The following PDCD6IP variants were observed in gnomAD, a reference collection of about 807,000 sequenced individuals.
PDCD6IP encodes the protein programmed cell death 6-interacting protein.
A neutral mutation model predicts 103.7 loss-of-function variants in PDCD6IP; 43 were observed. That is an observed-to-expected ratio of 0.41 (90% CI 0.32 to 0.53). PDCD6IP has a LOEUF of 0.53. Ranked by LOEUF, PDCD6IP falls within the 20% of genes least tolerant of loss-of-function variation. The pLI, the probability that PDCD6IP is intolerant of heterozygous loss-of-function variation, is 0.16. For missense variants in PDCD6IP, 871 were observed against 1,036.7 expected, an observed-to-expected ratio of 0.84 and a Z score of 2.20; for synonymous variants, 354 against 378.7, an observed-to-expected ratio of 0.93 and a Z score of 0.76.
chr3:33,853,951 A>G lies in PDCD6IP; in HGVS notation c.1963A>G (p.Asn655Asp), dbSNP rs143703400. ...EANLREEVLK[N>D]LATAYDNFVE... ...TAACTTAAGAGAAGAAGTTTTGAAG[A>G]ATTTAGCTACTGCATATGACAACTT... is the stretch of plus-strand genomic sequence containing the variant. Residue 655 changes from asparagine to aspartate, a missense_variant, in exon 14 of 18, where the codon AAT becomes GAT. Physicochemically the swap from Asn to Asp is conservative, Grantham distance 23. Coordinates refer to ENST00000307296, the MANE Select transcript of PDCD6IP (RefSeq NM_013374.6). 1.4e-5 allele frequency: 22 copies of G among 1,590,354 alleles called. No homozygotes were observed. In the South Asian group the frequency reaches 2.4e-4, roughly 17 times the overall value.
chr3:33,861,318 A>T (rs990034035), intron 15 of PDCD6IP, among the ~76,000 whole-genome samples: 3 of 151,904 alleles, frequency 2.0e-5, no homozygotes, highest in African/African-American at 7.3e-5. Context: ...TAATTTTTGT[A>T]TTTTTAGTAG....
chr3:33,867,968 T>C lies in PDCD6IP; in HGVS notation c.*1443T>C, dbSNP rs139209262. ...AGTATGATTGTAAAAGGGAGTGAATTGGTTTAAAAATATATGTATATTTTA... is the reference window on the plus strand; with the variant it reads ...AGTATGATTGTAAAAGGGAGTGAATCGGTTTAAAAATATATGTATATTTTA... On this transcript the variant is annotated 3_prime_UTR_variant, in exon 18 of 18. Coordinates refer to ENST00000307296, the MANE Select transcript of PDCD6IP (RefSeq NM_013374.6). 1 of 152,324 alleles carries C rather than the reference T, an allele frequency of 6.6e-6. No homozygotes were observed. The highest frequency in any genetic ancestry group is 2.4e-5 in the African/African-American group (1 of 41,578). 9.4% of individuals were successfully genotyped at this position (152,324 alleles called of 1,614,324 possible). A position where few individuals can be genotyped will look rare whatever the true frequency, so the allele number is the denominator to read the frequency against.
At chr3:33,799,590 TA>T (rs1696422195) in intron 1 of PDCD6IP, 1 of 149,062 alleles carries the variant, frequency 6.7e-6, no homozygotes, top group South Asian at 2.2e-4. Flanking sequence ...CACAGTAGAG[TA>T]AATTTGTTAT....
At chr3:33,849,616 A>T (rs1489351974) in intron 12 of PDCD6IP, among the ~76,000 whole-genome samples, 2 of 152,260 alleles carry the variant, frequency 1.3e-5, no homozygotes, top group African/African-American at 4.8e-5. Context: ...GGAGTTGTGT[A>T]TAAGAAATAA....
intron 10 of PDCD6IP, 150 bp from the exon 11 acceptor site, chr3:33,843,962 T>A: frequency 4.0e-6 from 2 of 505,562 alleles, no homozygotes; most frequent in Non-Finnish European, 7.1e-6. Flanking sequence ...ATAACTTAGA[T>A]GTCTGCAAGA....
rs1244898430 is a variant in PDCD6IP, at chr3:33,834,991, A to G, written c.835-1053A>G. On this transcript the variant is annotated intron_variant, in intron 7 of 17. Transcript: ENST00000307296. ...TTATGGGTAAATGTGTCAATTTCTC[A>G]TTATAATTGTTTATATAGATACTAT... 2.0e-5 allele frequency among the ~76,000 whole-genome samples: 3 copies of G among 152,170 alleles called. No homozygotes were observed. In the East Asian group the frequency reaches 5.8e-4, roughly 29 times the overall value.
At chr3:33,814,661 G>A (rs958606355) in intron 3 of PDCD6IP, among the ~76,000 whole-genome samples, 2 of 142,254 alleles carry the variant, frequency 1.4e-5, no homozygotes, top group African/African-American at 5.1e-5. Context: ...TATTATATAT[G>A]CATGTATGTA....
chr3:33,814,850 T>TCATATACATATATGTATATA (rs1696809021), intron 3 of PDCD6IP, among the ~76,000 whole-genome samples: 1 of 145,440 alleles, frequency 6.9e-6, no homozygotes, highest in African/African-American at 2.5e-5. Context: ...CATGTATTAT[T>TCATATACATATATGTATATA]CATATACATA....
intron 3 of PDCD6IP, among the ~76,000 whole-genome samples, chr3:33,820,287 G>GA (rs71070156): frequency 1 from 152,043 of 152,058 alleles, 76,014 homozygotes; most frequent in Middle Eastern, 1. Flanking sequence ...TGTCTCAAAA[G>GA]AAAAAAACAA....
intron 3 of PDCD6IP, among the ~76,000 whole-genome samples, chr3:33,814,444 T>C (rs1019114469): frequency 1.3e-5 from 2 of 151,906 alleles, no homozygotes; most frequent in African/African-American, 2.4e-5. Context: ...CATTAGATTC[T>C]TATGTGGATT....
chr3:33,804,157 A>G (rs986353753), intron 1 of PDCD6IP, among the ~76,000 whole-genome samples: 2 of 152,204 alleles, frequency 1.3e-5, no homozygotes, highest in Non-Finnish European at 2.9e-5. Context: ...TGAGTAAAGC[A>G]GGGTTTTATT....
chr3:33,842,143 A>G (rs1697490851), intron 10 of PDCD6IP, 69 bp downstream of exon 10: 1 of 959,416 alleles, frequency 1.0e-6, no homozygotes, highest in African/African-American at 1.6e-5. Context: ...AGGGATTGGG[A>G]CTGGAGACTT....
chr3:33,869,691 TGAAA>T lies in PDCD6IP; in HGVS notation c.*3169_*3172del, dbSNP rs1698144933. On this transcript the variant is annotated 3_prime_UTR_variant, in exon 18 of 18. Coordinates refer to ENST00000307296, the MANE Select transcript of PDCD6IP (RefSeq NM_013374.6). The stretch of plus-strand genomic sequence containing the variant: ...ATGAATGTATGCTAGAAATAAAAGT[TGAAA>T]GATTCTTACTTCTTTGGAGTATGAA... 2.6e-5 allele frequency: 4 copies of T among 152,186 alleles called. No homozygotes were observed. In the South Asian group the frequency reaches 8.3e-4, roughly 31 times the overall value. The allele number at this position is 152,186 out of a possible 1,614,324, so 9.4% of individuals were successfully genotyped here. A position where few individuals can be genotyped will look rare whatever the true frequency, so the allele number is the denominator to read the frequency against.
intron 7 of PDCD6IP, 51 bp from the exon 8 acceptor site, chr3:33,835,989 GAAAT>G (rs1456482098): frequency 1.0e-6 from 1 of 1,004,236 alleles, no homozygotes; most frequent in East Asian, 2.4e-5. Flanking sequence ...TGGGGAAAGA[GAAAT>G]AAAATCACCT....
chr3:33,857,579 T>A (rs529412489), intron 15 of PDCD6IP, among the ~76,000 whole-genome samples: 145 of 152,160 alleles, frequency 9.5e-4, no homozygotes, highest in Non-Finnish European at 1.8e-3. Flanking sequence ...AATAAAGTAT[T>A]TGCCAGTAAT....
intron 4 of PDCD6IP, among the ~76,000 whole-genome samples, chr3:33,823,749 T>C (rs1697047749): frequency 6.6e-6 from 1 of 152,170 alleles, no homozygotes. Context: ...GCCATTGCAC[T>C]CTAGTCTGGG....
At chr3:33,816,595 T>C (rs777402252) in intron 3 of PDCD6IP, among the ~76,000 whole-genome samples, 2 of 151,612 alleles carry the variant, frequency 1.3e-5, no homozygotes, top group African/African-American at 2.4e-5. Context: ...GACAGAGTCA[T>C]TGTGGCAGAA....
At chr3:33,814,755 T>A (rs1390542850) in intron 3 of PDCD6IP, among the ~76,000 whole-genome samples, 2 of 145,660 alleles carry the variant, frequency 1.4e-5, no homozygotes, top group Non-Finnish European at 3.0e-5. Flanking sequence ...GTATATATAC[T>A]TACATATACA....
chr3:33,846,476 A>G (rs1280604487), intron 12 of PDCD6IP, among the ~76,000 whole-genome samples: 3 of 152,242 alleles, frequency 2.0e-5, no homozygotes, highest in African/African-American at 7.2e-5. Flanking sequence ...TACAAGGATG[A>G]CTGTAATATA....
Sources: gnomAD v4.1 joint callset for allele counts (sites outside exome capture counted in the v4.1 genomes callset) on GRCh38, gnomAD v4.1.1 for gene constraint, MANE v1.5 for transcripts, NCBI Gene and HGNC (gene_info 2026-07-23, HGNC 2026-07-21) for gene names.